The following SULF2 variants were observed in gnomAD, a reference collection of about 807,000 sequenced individuals.
SULF2 encodes sulfatase 2, also known as extracellular sulfatase Sulf-2.
In SULF2, 52 loss-of-function variants were observed where a neutral mutation model predicts 107.7. The ratio of observed to expected loss-of-function variants is 0.48; its 90% CI spans 0.39 to 0.61. SULF2 has a LOEUF of 0.61. SULF2 is among the 20% of genes least tolerant of loss of function. The pLI, the probability that SULF2 is intolerant of heterozygous loss-of-function variation, is 0.00. For synonymous variants in SULF2, 460 were observed against 464.3 expected (o/e 0.99, Z 0.12); for missense variants, 993 against 1,177.3 (o/e 0.84, Z 2.29).
chr20:47,717,746 G>A (rs2089167588), intron 3 of SULF2, among the ~76,000 whole-genome samples: 1 of 152,122 alleles, frequency 6.6e-6, no homozygotes, highest in Non-Finnish European at 1.5e-5. Flanking sequence ...CATAGGTGGG[G>A]GACACAGGTA....
At chr20:47,728,271 G>A (rs2146736794) in intron 3 of SULF2, among the ~76,000 whole-genome samples, 1 of 152,270 alleles carries the variant, frequency 6.6e-6, no homozygotes, top group South Asian at 2.1e-4. Flanking sequence ...AGAGAGCAGG[G>A]AGCAAACCCA....
intron 6 of SULF2, among the ~76,000 whole-genome samples, chr20:47,683,894 G>C (rs1364954637): frequency 6.6e-6 from 1 of 152,244 alleles, no homozygotes; most frequent in African/African-American, 2.4e-5. Flanking sequence ...GCTGGGCACA[G>C]AAGGCCACAG....
intron 1 of SULF2, among the ~76,000 whole-genome samples, chr20:47,761,515 C>T (rs942295110): frequency 3.9e-5 from 6 of 152,226 alleles, no homozygotes; most frequent in Non-Finnish European, 7.3e-5. Context: ...AAGTGGACAT[C>T]GCTTCCCTGT....
intron 2 of SULF2, among the ~76,000 whole-genome samples, chr20:47,744,044 CATTCTTAGGGGACATGCAGGCTACAG>C (rs1329461842): frequency 6.6e-6 from 1 of 152,136 alleles, no homozygotes; most frequent in Non-Finnish European, 1.5e-5. Context: ...GAAGAGTAAA[CATTCTTAGGGGACATGCAGGCTACAG>C]ATTCTTAGGG....
At chr20:47,711,840 T>C (rs2088939547) in intron 3 of SULF2, among the ~76,000 whole-genome samples, 1 of 151,762 alleles carries the variant, frequency 6.6e-6, no homozygotes, top group South Asian at 2.1e-4. Context: ...ACACTACATA[T>C]ACATACATGA....
chr20:47,756,348 A>T (rs2090282938), intron 2 of SULF2, among the ~76,000 whole-genome samples: 1 of 152,182 alleles, frequency 6.6e-6, no homozygotes, highest in African/African-American at 2.4e-5. Flanking sequence ...CTGGCTACAA[A>T]TTCTTTCTGC....
chr20:47,702,294 A>G (rs2088597588), intron 4 of SULF2, among the ~76,000 whole-genome samples: 2 of 152,150 alleles, frequency 1.3e-5, no homozygotes. Context: ...TCCTGGACTC[A>G]AGTGATTCAC....
At chr20:47,772,389 CA>C (rs1354873464) in intron 1 of SULF2, among the ~76,000 whole-genome samples, 1 of 152,130 alleles carries the variant, frequency 6.6e-6, no homozygotes, top group African/African-American at 2.4e-5. Flanking sequence ...CCCTAGGGGG[CA>C]AAACTGCCCC....
intron 1 of SULF2, among the ~76,000 whole-genome samples, chr20:47,761,574 T>C (rs538828129): frequency 1.9e-4 from 29 of 152,364 alleles, no homozygotes; most frequent in Admixed American, 5.2e-4. Context: ...TCAGTGGAAC[T>C]TGATGCAAAT....
chr20:47,757,307 C>A lies in SULF2; in HGVS notation c.57G>T (p.Leu19=), dbSNP rs1467306338. The change falls in exon 2 of 21, where the codon CTG becomes CTT. Residue 19 remains leucine, a synonymous_variant. Transcript: ENST00000688720. ...CLLSATVFSL[L]GGSSAFLSHH... The stretch of plus-strand genomic sequence containing the variant: ...GCGACAGGAAGGCCGAGCTTCCACC[C>A]AGCAGGGAGAACACAGTTGCGGACA... 7 of 1,600,504 alleles carry A rather than the reference C, an allele frequency of 4.4e-6. No individual in the cohort carries two copies. The highest frequency in any genetic ancestry group is 1.3e-5 in the African/African-American group (1 of 74,730).
At chr20:47,750,913 C>G (rs187881258) in intron 2 of SULF2, among the ~76,000 whole-genome samples, 3 of 152,308 alleles carry the variant, frequency 2.0e-5, no homozygotes, top group East Asian at 3.9e-4. Context: ...CTTCTTTGCT[C>G]AGATTTCCCC....
At position 47,690,184 on chromosome 20, in the gene SULF2, C is replaced by A; in HGVS notation, c.679G>T (p.Gly227Cys). 6.4e-7 allele frequency: 1 copy of A among 1,563,550 alleles called. No individual in the cohort carries two copies. Among genetic ancestry groups the A allele is most frequent in the Non-Finnish European group, 8.7e-7 (1 of 1,150,938 alleles). Residue 227 changes from glycine to cysteine, a missense_variant, in exon 5 of 21, where the codon GGC (glycine) becomes TGC (cysteine). Physicochemically the swap from Gly to Cys is radical, Grantham distance 159. Around this residue, in one of 3 missense-constraint regions of SULF2, gnomAD observed 388 missense variants for 449.2 expected, o/e 0.86. Coordinates refer to ENST00000688720, the MANE Select transcript of SULF2 (RefSeq NM_001387048.1). ...TATTGTGGGGCTGAATCCTCAGGGC[C>A]GTGGGGGGCTGCATGGCTGATGACC... ...LMVISHAAPH[G>C]PEDSAPQYSR...
chr20:47,699,571 G>A (rs961838686), intron 4 of SULF2, among the ~76,000 whole-genome samples: 1 of 152,064 alleles, frequency 6.6e-6, no homozygotes, highest in African/African-American at 2.4e-5. Context: ...CGTAATATGT[G>A]TCAAGGTTGG....
intron 4 of SULF2, among the ~76,000 whole-genome samples, chr20:47,698,341 G>A (rs1038330109): frequency 1.3e-5 from 2 of 152,192 alleles, no homozygotes; most frequent in African/African-American, 4.8e-5. Context: ...ATAGTCCAGG[G>A]AACCAGGCAT....
intron 3 of SULF2, among the ~76,000 whole-genome samples, chr20:47,723,818 T>G (rs2089363132): frequency 6.6e-6 from 1 of 152,232 alleles, no homozygotes; most frequent in Non-Finnish European, 1.5e-5. Context: ...ATTATTTCAT[T>G]ACATATTATA....
chr20:47,757,266 C>G lies in SULF2; in HGVS notation c.98G>C (p.Gly33Ala). ...SAFLSHHRLK[G>A]RFQRDRRNIR... ...GTTCCTGCGGTCCCTCTGAAACCTG[C>G]CTTTCAGGCGGTGGTGCGACAGGAA... is the stretch of plus-strand genomic sequence containing the variant. The change falls in exon 2 of 21, where the codon GGC becomes GCC. Residue 33 changes from glycine to alanine, a missense_variant. Gly to Ala is a moderately conservative substitution (Grantham distance 60). Around this residue, in one of 3 missense-constraint regions of SULF2, gnomAD observed 388 missense variants for 449.2 expected, o/e 0.86. Transcript: ENST00000688720. The G allele has an allele frequency of 6.3e-7, 1 of 1,580,166 alleles. No homozygotes were observed. Among genetic ancestry groups the G allele is most frequent in the South Asian group, 1.2e-5 (1 of 86,486 alleles).
intron 1 of SULF2, among the ~76,000 whole-genome samples, chr20:47,781,537 G>C (rs1046675884): frequency 1.4e-4 from 22 of 152,190 alleles, no homozygotes; most frequent in African/African-American, 5.3e-4. Context: ...TGCCAGATCA[G>C]AGGCTTGTTC....
At chr20:47,726,753 C>G (rs2089453910) in intron 3 of SULF2, among the ~76,000 whole-genome samples, 1 of 152,204 alleles carries the variant, frequency 6.6e-6, no homozygotes, top group South Asian at 2.1e-4. Context: ...CAGCTAGCAC[C>G]TAGGAGAGGA....
chr20:47,667,567 C>T (rs944702195), intron 11 of SULF2, among the ~76,000 whole-genome samples: 4 of 152,048 alleles, frequency 2.6e-5, no homozygotes, highest in Non-Finnish European at 4.4e-5. Flanking sequence ...CAGGACGGGC[C>T]GGGGATGGGC....
Sources: gnomAD v4.1 joint callset for allele counts (sites outside exome capture counted in the v4.1 genomes callset) on GRCh38, gnomAD v4.1.1 for gene constraint, gnomAD v4.1.1 regional missense constraint, MANE v1.5 for transcripts, NCBI Gene and HGNC (gene_info 2026-07-23, HGNC 2026-07-21) for gene names.